The following AQP1 variants were observed in gnomAD, a reference collection of about 807,000 sequenced individuals.
AQP1 encodes aquaporin-1.
A neutral mutation model predicts 19.7 loss-of-function variants in AQP1; 11 were observed. That is an observed-to-expected ratio of 0.56 (90% confidence interval 0.35 to 0.92). The LOEUF is 0.92. AQP1 is among the 40% of genes least tolerant of loss of function. The pLI is 0.01. For synonymous variants in AQP1, 159 were observed against 166.7 expected (o/e 0.95, Z 0.36); for missense variants, 320 against 369.7 (o/e 0.87, Z 1.10).
intron 1 of AQP1, among the ~76,000 whole-genome samples, chr7:30,916,901 A>C (rs1415621186): frequency 6.6e-6 from 1 of 151,646 alleles, no homozygotes; most frequent in African/African-American, 2.4e-5. Flanking sequence ...GTGCTAGTCT[A>C]TGCGGGGGTC....
intron 1 of AQP1, among the ~76,000 whole-genome samples, chr7:30,915,200 C>T (rs1439398876): frequency 2.0e-5 from 3 of 152,156 alleles, no homozygotes; most frequent in Non-Finnish European, 4.4e-5. Context: ...GCTCAGCCGG[C>T]TCCCTGCAAG....
chr7:30,919,194 T>C (rs908467736), intron 1 of AQP1, among the ~76,000 whole-genome samples: 10 of 151,936 alleles, frequency 6.6e-5, no homozygotes, highest in African/African-American at 2.4e-4. Context: ...ATGGCAGAGG[T>C]CCCCCACTCT....
chr7:30,923,393 A>G lies in AQP1; in HGVS notation c.631-57A>G. The G allele has an allele frequency of 6.2e-7, 1 of 1,611,728 alleles. No individual in the cohort carries two copies. Among genetic ancestry groups the G allele is most frequent in the Non-Finnish European group, 8.5e-7 (1 of 1,179,290 alleles). On this transcript the variant is annotated intron_variant, in intron 3 of 3. Transcript: ENST00000311813. The surrounding 1 kb of genome is among the most constrained non-coding windows in gnomAD (Gnocchi z 4.8). ...TGGTGGGCTGTGGGGTAACCTAGGG[A>G]ACGCTTCCCAGGGGCTTTTGAGTGG... is the stretch of plus-strand genomic sequence containing the variant.
intron 1 of AQP1, among the ~76,000 whole-genome samples, chr7:30,917,262 C>T (rs1791383193): frequency 6.6e-6 from 1 of 152,310 alleles, no homozygotes; most frequent in African/African-American, 2.4e-5. Context: ...ACACATGGTA[C>T]ACAAAGCACA....
intron 1 of AQP1, among the ~76,000 whole-genome samples, chr7:30,918,545 T>C (rs899368559): frequency 6.6e-6 from 1 of 152,136 alleles, no homozygotes; most frequent in African/African-American, 2.4e-5. Context: ...TTGGAGGCAC[T>C]GGGGTGGGCA....
At chr7:30,919,478 C>G (rs1791441703) in intron 1 of AQP1, among the ~76,000 whole-genome samples, 1 of 151,564 alleles carries the variant, frequency 6.6e-6, no homozygotes, top group Non-Finnish European at 1.5e-5. Flanking sequence ...GTAATACTTG[C>G]ATTCACAAAA....
chr7:30,922,332 G>A, intron 2 of AQP1, 102 bp downstream of exon 2: 2 of 1,479,458 alleles, frequency 1.4e-6, no homozygotes, highest in Non-Finnish European at 1.8e-6. Flanking sequence ...CAGGGCTCTT[G>A]CCATTGGGTG....
chr7:30,921,191 A>G, intron 1 of AQP1: 2 of 867,146 alleles, frequency 2.3e-6, no homozygotes, highest in Non-Finnish European at 2.8e-6. Flanking sequence ...GCATAGTGGA[A>G]GGTGCTGGGG....
chr7:30,921,218 C>T lies in AQP1; in HGVS notation c.385-848C>T, dbSNP rs555988761. ...GTGCTGGGGCTTCCTGGGGAGGGGT[C>T]CTCCGGGGGCAGCTGCATGGGGAGG... is the stretch of plus-strand genomic sequence containing the variant. On this transcript the variant is annotated intron_variant, in intron 1 of 3. Transcript: ENST00000311813. 6.2e-5 allele frequency: 66 copies of T among 1,070,730 alleles called. No individual in the cohort carries two copies. The African/African-American group carries it at 1.0e-3, about 16-fold the overall frequency. 66.3% of individuals were successfully genotyped at this position (1,070,730 alleles called of 1,614,324 possible). A position where few individuals can be genotyped will look rare whatever the true frequency, so the allele number is the denominator to read the frequency against.
chr7:30,911,996 CG>C lies in AQP1; in HGVS notation c.89del (p.Gly30ValfsTer21). 1 of 1,613,668 alleles carries C rather than the reference CG, an allele frequency of 6.2e-7. No homozygotes were observed. Among genetic ancestry groups the C allele is most frequent in the Non-Finnish European group, 8.5e-7 (1 of 1,180,034 alleles). The part of the protein sequence containing the change: ...ATTLFVFISI[G>X]SALGFKYPVG... Reference sequence around the variant, plus strand: ...CGACCCTCTTTGTCTTCATCAGCATCGGTTCTGCCCTGGGCTTCAAATACCC... The same window carrying C: ...CGACCCTCTTTGTCTTCATCAGCATCGTTCTGCCCTGGGCTTCAAATACCC... On this transcript the variant is annotated frameshift_variant, in exon 1 of 4. Transcript: ENST00000311813. LOFTEE classifies it high-confidence loss of function.
At chr7:30,920,849 G>A (rs1321201032) in intron 1 of AQP1, among the ~76,000 whole-genome samples, 2 of 152,226 alleles carry the variant, frequency 1.3e-5, no homozygotes, top group Admixed American at 6.5e-5. Context: ...GGGAGGGGAT[G>A]TGAGTCATTC....
intron 1 of AQP1, chr7:30,921,463 G>A: frequency 6.8e-7 from 1 of 1,467,726 alleles, no homozygotes; most frequent in African/African-American, 1.4e-5. Context: ...TTGGACCAAG[G>A]AAAGAGACGG....
chr7:30,921,762 T>A, intron 1 of AQP1: 2 of 1,550,716 alleles, frequency 1.3e-6, no homozygotes, highest in South Asian at 2.4e-5. Context: ...CTGGCCTGGA[T>A]GCAGCTGGAT....
chr7:30,920,945 G>T (rs1791482080), intron 1 of AQP1, among the ~76,000 whole-genome samples: 1 of 152,192 alleles, frequency 6.6e-6, no homozygotes, highest in Non-Finnish European at 1.5e-5. Context: ...AACCTCCAAG[G>T]TGTGCCCCCC....
Position 30,923,264 on chromosome 7 carries a change from G to A in AQP1, c.631-186G>A, listed in dbSNP as rs1037585258. Among the ~76,000 whole-genome samples, 11 of 152,236 alleles carry A rather than the reference G, an allele frequency of 7.2e-5. No individual in the cohort carries two copies. Among genetic ancestry groups the A allele is most frequent in the African/African-American group, 1.4e-4 (6 of 41,470 alleles). Reference sequence around the variant, plus strand: ...AGAGGCAAGGAGTTGACCCTACCACGTACTCTGGCCTGGGCCGGTTCTGAG... The same window carrying A: ...AGAGGCAAGGAGTTGACCCTACCACATACTCTGGCCTGGGCCGGTTCTGAG... On this transcript the variant is annotated intron_variant, in intron 3 of 3. Coordinates refer to ENST00000311813, the MANE Select transcript of AQP1 (RefSeq NM_198098.4). The surrounding 1 kb of genome is among the most constrained non-coding windows in gnomAD (Gnocchi z 4.8).
chr7:30,922,009 G>T, intron 1 of AQP1, 57 bp from the exon 2 acceptor site: 1 of 1,608,496 alleles, frequency 6.2e-7, no homozygotes. Flanking sequence ...TTGGGGTCCT[G>T]GGACACAGTC....
Position 30,925,489 on chromosome 7 carries a change from A to C in AQP1, c.*1860A>C, listed in dbSNP as rs764094204. The C allele has an allele frequency of 1.3e-5, 2 of 152,262 alleles. No homozygotes were observed. Among genetic ancestry groups the C allele is most frequent in the Non-Finnish European group, 2.9e-5 (2 of 68,052 alleles). The allele number at this position is 152,262 out of a possible 1,614,324, so 9.4% of individuals were successfully genotyped here. Reference sequence around the variant, plus strand: ...AGTTGGAATTTCATTATATGTTAAGAAAATAAAGGAAAATGACTTGTAAGG... The same window carrying C: ...AGTTGGAATTTCATTATATGTTAAGCAAATAAAGGAAAATGACTTGTAAGG... On this transcript the variant is annotated 3_prime_UTR_variant, in exon 4 of 4. Transcript: ENST00000311813.
intron 1 of AQP1, among the ~76,000 whole-genome samples, chr7:30,915,574 G>A (rs186248438): frequency 6.6e-6 from 1 of 152,076 alleles, no homozygotes; most frequent in Non-Finnish European, 1.5e-5. Context: ...GAGGGCTCAG[G>A]ATTCGGGCCA....
chr7:30,916,332 A>C (rs1791353035), intron 1 of AQP1, among the ~76,000 whole-genome samples: 1 of 152,232 alleles, frequency 6.6e-6, no homozygotes, highest in Non-Finnish European at 1.5e-5. Flanking sequence ...GCTCACTGCA[A>C]GCCAATTCCA....
Sources: gnomAD v4.1 joint callset for allele counts (sites outside exome capture counted in the v4.1 genomes callset) on GRCh38, gnomAD v4.1.1 for gene constraint, Gnocchi (gnomAD v3.1) non-coding constraint, MANE v1.5 for transcripts, NCBI Gene and HGNC (gene_info 2026-07-23, HGNC 2026-07-21) for gene names.